BMP1: variants seen among roughly 807,000 people sequenced by gnomAD.
The protein encoded by BMP1 is mammalian tolloid protein.
Under a neutral mutation model 116.8 loss-of-function variants are expected in BMP1, and 63 were observed. That is an observed-to-expected ratio of 0.54 (90% CI 0.44 to 0.67). The LOEUF (loss-of-function observed/expected upper bound fraction) is 0.67, where lower values mean the gene tolerates loss of function less well. BMP1 is among the 30% of genes least tolerant of loss of function. The pLI is 0.00. For missense variants in BMP1, 1,183 were observed against 1,358.9 expected, an observed-to-expected ratio of 0.87 and a Z score of 2.04; for synonymous variants, 536 against 533.4, an observed-to-expected ratio of 1.00 and a Z score of -0.07.
At chr8:22,199,990 G>A (rs960293249) in intron 15 of BMP1, among the ~76,000 whole-genome samples, 2 of 152,210 alleles carry the variant, frequency 1.3e-5, no homozygotes, top group Admixed American at 1.3e-4. Context: ...TGGGGATCAG[G>A]AATAGGCCCC....
Position 22,179,665 on chromosome 8 carries a change from C to T in BMP1, c.837-40C>T, listed in dbSNP as rs1342888086. On this transcript the variant is annotated intron_variant, in intron 6 of 19. Transcript: ENST00000306385. The surrounding 1 kb of genome is among the most constrained non-coding windows in gnomAD (Gnocchi z 4.6). Reference sequence around the variant, plus strand: ...ATGCCACCCACTCCCTGCCCACTGTCCATGAGACGCTCACCCTTACTTTTC... The same window carrying T: ...ATGCCACCCACTCCCTGCCCACTGTTCATGAGACGCTCACCCTTACTTTTC... 5 of 1,611,760 alleles carry T rather than the reference C, an allele frequency of 3.1e-6. No individual in the cohort carries two copies. The highest frequency in any genetic ancestry group is 1.3e-5 in the African/African-American group (1 of 74,850).
intron 15 of BMP1, chr8:22,199,182 A>G: frequency 7.3e-7 from 1 of 1,367,514 alleles, no homozygotes; most frequent in Non-Finnish European, 9.8e-7. Flanking sequence ...GCCCCATCGC[A>G]CAAGAAACCT....
chr8:22,209,820 G>T (rs1036471774), intron 19 of BMP1, 125 bp downstream of exon 19: 4 of 1,012,538 alleles, frequency 4.0e-6, no homozygotes, highest in Non-Finnish European at 5.7e-6. Flanking sequence ...TGCAGCACGC[G>T]TGTGGCCCTG....
chr8:22,210,468 T>TCTCTCACACACACACA (rs10664439), intron 19 of BMP1, among the ~76,000 whole-genome samples: 107 of 135,566 alleles, frequency 7.9e-4, no homozygotes, highest in African/African-American at 2.9e-3. Context: ...TCTCTCTCTC[T>TCTCTCACACACACACA]CACACACATA....
intron 2 of BMP1, among the ~76,000 whole-genome samples, chr8:22,174,572 T>C (rs1422940254): frequency 6.6e-6 from 1 of 151,460 alleles, no homozygotes; most frequent in Non-Finnish European, 1.5e-5. Flanking sequence ...AGCACACAAA[T>C]AGCCCTCCCC....
At position 22,165,882 on chromosome 8, in the gene BMP1, C is replaced by CGTGTGTGTGTGTGTGTGTGTGTGTGTGT. The variant is rs149003237; in HGVS notation, c.148+346_148+373dup. Among the ~76,000 whole-genome samples, 51 of 131,414 alleles carry CGTGTGTGTGTGTGTGTGTGTGTGTGTGT rather than the reference C, an allele frequency of 3.9e-4. 1 individual carries two copies. The highest frequency in any genetic ancestry group is 2.1e-3 in the East Asian group (8 of 3,874). 86.2% of individuals were successfully genotyped at this position (131,414 alleles called of 152,430 possible). A position where few individuals can be genotyped will look rare whatever the true frequency, so the allele number is the denominator to read the frequency against. On this transcript the variant is annotated intron_variant, in intron 1 of 19. Coordinates refer to ENST00000306385, the MANE Select transcript of BMP1 (RefSeq NM_006129.5). The stretch of plus-strand genomic sequence containing the variant: ...TTTTCTGGCCAAACTCCTGTGCGTG[C>CGTGTGTGTGTGTGTGTGTGTGTGTGTGT]GTGTGTGTGTGTGTGTGTGTGTGTG...
chr8:22,199,264 G>A (rs1248691821), intron 15 of BMP1: 2 of 1,367,470 alleles, frequency 1.5e-6, no homozygotes, highest in Non-Finnish European at 2.0e-6. Context: ...GGCCCCCCAG[G>A]AGGGGAGCTA....
chr8:22,170,383 C>G (rs1415399572), intron 1 of BMP1: 1 of 152,392 alleles, frequency 6.6e-6, no homozygotes, highest in East Asian at 1.9e-4. Flanking sequence ...TACCGTGTTG[C>G]ATGCTCTGTG....
chr8:22,180,952 C>A (rs1029311742), intron 8 of BMP1, among the ~76,000 whole-genome samples: 1 of 152,134 alleles, frequency 6.6e-6, no homozygotes. Flanking sequence ...AGCTCTCATC[C>A]GTCTCATCAG....
At chr8:22,173,358 A>G (rs1828335282) in intron 1 of BMP1, among the ~76,000 whole-genome samples, 1 of 152,242 alleles carries the variant, frequency 6.6e-6, no homozygotes, top group Admixed American at 6.5e-5. Flanking sequence ...ATGAGCTAAC[A>G]GACTGGTAGG....
At position 22,192,066 on chromosome 8, in the gene BMP1, G is replaced by A. The variant is rs370391413; in HGVS notation, c.1095G>A (p.Thr365=). ...TPGEKIILNF[T]SLDLYRSRLC... is the part of the protein sequence containing the mutation. ...TGCCCTAGATCATCCTGAACTTCAC[G>A]TCCCTGGACCTGTACCGCAGCCGCC... Residue 365 remains threonine, a synonymous_variant, in exon 9 of 20, where the codon ACG becomes ACA. Coordinates refer to ENST00000306385, the MANE Select transcript of BMP1 (RefSeq NM_006129.5). 21 of 1,613,656 alleles carry A rather than the reference G, an allele frequency of 1.3e-5. No homozygotes were observed. In the African/African-American group the frequency reaches 1.5e-4, roughly 11 times the overall value.
chr8:22,176,794 C>T, intron 4 of BMP1, 144 bp downstream of exon 4: 2 of 1,037,014 alleles, frequency 1.9e-6, no homozygotes, highest in South Asian at 1.5e-5. Context: ...AGGAACTGCC[C>T]CCTGTGCGGC....
intron 8 of BMP1, 68 bp downstream of exon 8, chr8:22,180,551 C>A: frequency 7.0e-7 from 1 of 1,435,588 alleles, no homozygotes; most frequent in Non-Finnish European, 9.7e-7. Flanking sequence ...GGACTTCTCC[C>A]ACAGTGGGGG....
intron 15 of BMP1, chr8:22,199,411 G>A (rs774207601): frequency 2.5e-5 from 32 of 1,258,094 alleles, no homozygotes; most frequent in Non-Finnish European, 3.1e-5. Flanking sequence ...CCTTGCCTGG[G>A]CCCATGCCCA....
Position 22,166,734 on chromosome 8 carries a change from A to G in BMP1, c.148+1181A>G, listed in dbSNP as rs1378071844. Among the ~76,000 whole-genome samples, 16 of 152,302 alleles carry G rather than the reference A, an allele frequency of 1.1e-4. No individual in the cohort carries two copies. In the East Asian group the frequency reaches 2.9e-3, roughly 28 times the overall value. On this transcript the variant is annotated intron_variant, in intron 1 of 19. Coordinates refer to ENST00000306385, the MANE Select transcript of BMP1 (RefSeq NM_006129.5). ...CTGGGAGGGTGGCCCACAGGCAGGA[A>G]TAAGAGACCATCCAATGGAGGAAAT...
At chr8:22,200,836 G>A (rs1300253766) in intron 15 of BMP1, among the ~76,000 whole-genome samples, 1 of 152,086 alleles carries the variant, frequency 6.6e-6, no homozygotes, top group Non-Finnish European at 1.5e-5. Flanking sequence ...TGCAATGCAC[G>A]CCTAGTGGGC....
At chr8:22,185,433 G>A (rs112003623) in intron 8 of BMP1, among the ~76,000 whole-genome samples, 2,970 of 151,424 alleles carry the variant, frequency 0.02, 104 homozygotes, top group African/African-American at 0.068. Flanking sequence ...TCCAGCCTGG[G>A]CAACAGAGTA....
chr8:22,178,808 C>A (rs1828529397), intron 6 of BMP1, among the ~76,000 whole-genome samples: 1 of 152,118 alleles, frequency 6.6e-6, no homozygotes, highest in Non-Finnish European at 1.5e-5. Flanking sequence ...AAACTCCTTC[C>A]TGGCCTGGCC....
Position 22,165,421 on chromosome 8 carries a change from C to A in BMP1, c.16C>A (p.Arg6Ser). Reference protein sequence around the residue: MPGVARLPLLLGLLLL... With the variant: MPGVASLPLLLGLLLL... ...CCCCGCCAGCATGCCCGGCGTGGCCCGCCTGCCGCTGCTGCTCGGGCTGCT... is the reference window on the plus strand; with the variant it reads ...CCCCGCCAGCATGCCCGGCGTGGCCAGCCTGCCGCTGCTGCTCGGGCTGCT... The change falls in exon 1 of 20, where the codon CGC (arginine) becomes AGC (serine). Residue 6 changes from arginine to serine, a missense_variant. By Grantham distance (110) the Arg-to-Ser change is moderately radical. Around this residue, in one of 4 missense-constraint regions of BMP1, gnomAD observed 185 missense variants for 158.9 expected, o/e 1.16. Coordinates refer to ENST00000306385, the MANE Select transcript of BMP1 (RefSeq NM_006129.5). The A allele has an allele frequency of 6.5e-7, 1 of 1,538,922 alleles. No homozygotes were observed. The highest frequency in any genetic ancestry group is 1.2e-5 in the South Asian group (1 of 82,262).
Sources: gnomAD v4.1 joint callset for allele counts (sites outside exome capture counted in the v4.1 genomes callset) on GRCh38, gnomAD v4.1.1 for gene constraint, gnomAD v4.1.1 regional missense constraint, Gnocchi (gnomAD v3.1) non-coding constraint, MANE v1.5 for transcripts, NCBI Gene and HGNC (gene_info 2026-07-23, HGNC 2026-07-21) for gene names.